The following NAALADL2 variants were observed in gnomAD, a reference collection of about 807,000 sequenced individuals.
NAALADL2 encodes inactive N-acetylated-alpha-linked acidic dipeptidase-like protein 2.
In NAALADL2, 76 loss-of-function variants were observed where a neutral mutation model predicts 87.2. That is an observed-to-expected ratio of 0.87 (90% CI 0.72 to 1.05). The LOEUF is 1.05. NAALADL2 is among the 50% of genes least tolerant of loss of function. NAALADL2 has a pLI of 0.00. For synonymous variants in NAALADL2, 354 were observed against 331.0 expected (o/e 1.07, Z -0.75); for missense variants, 1,089 against 945.8 (o/e 1.15, Z -1.99).
chr3:174,683,575 TA>T (rs2108832902), intron 2 of NAALADL2, among the ~76,000 whole-genome samples: 1 of 152,012 alleles, frequency 6.6e-6, no homozygotes, highest in Admixed American at 6.6e-5. Flanking sequence ...GATAGATAGA[TA>T]ATATAGATAA....
chr3:174,647,286 G>T (rs1383785289), intron 2 of NAALADL2, among the ~76,000 whole-genome samples: 1 of 152,040 alleles, frequency 6.6e-6, no homozygotes, highest in Non-Finnish European at 1.5e-5. Context: ...ACTGAGACTT[G>T]GTCTCAATGT....
At chr3:175,443,182 A>T (rs1266374347) in intron 5 of NAALADL2, among the ~76,000 whole-genome samples, 1 of 152,198 alleles carries the variant, frequency 6.6e-6, no homozygotes, top group Non-Finnish European at 1.5e-5. Flanking sequence ...ATTTCCATTA[A>T]GCTGAAGGTA....
intron 1 of NAALADL2, among the ~76,000 whole-genome samples, chr3:174,860,372 A>G (rs545043960): frequency 2.0e-5 from 3 of 152,052 alleles, no homozygotes; most frequent in Non-Finnish European, 2.9e-5. Flanking sequence ...AAATGCTACT[A>G]TAAAGCATTT....
chr3:174,990,457 TC>T (rs984750237), intron 1 of NAALADL2, among the ~76,000 whole-genome samples: 1 of 152,158 alleles, frequency 6.6e-6, no homozygotes, highest in Non-Finnish European at 1.5e-5. Context: ...AGATTTCAGT[TC>T]CAAAAATATT....
intron 2 of NAALADL2, among the ~76,000 whole-genome samples, chr3:175,177,795 GC>G (rs1735897526): frequency 6.6e-6 from 1 of 151,822 alleles, no homozygotes; most frequent in Non-Finnish European, 1.5e-5. Flanking sequence ...GGAAGCTGAA[GC>G]ACGAATAAGT....
In NAALADL2 at chr3:175,393,375, A is replaced by T. The variant is rs184616164; in HGVS notation, c.1091-53854A>T. On this transcript the variant is annotated intron_variant, in intron 5 of 13. Coordinates refer to ENST00000454872, the MANE Select transcript of NAALADL2 (RefSeq NM_207015.3). The stretch of plus-strand genomic sequence containing the variant: ...TGTATTTGGAAGCTTTATTAATATA[A>T]TAGTTAATATACAAATGCAAAGTAT... Among the ~76,000 whole-genome samples the T allele has an allele frequency of 4.6e-4, 69 of 150,454 alleles. No individual in the cohort carries two copies. In the East Asian group the frequency reaches 0.012, roughly 26 times the overall value.
intron 1 of NAALADL2, among the ~76,000 whole-genome samples, chr3:175,088,944 G>A (rs1299302572): frequency 6.6e-6 from 1 of 152,152 alleles, no homozygotes; most frequent in African/African-American, 2.4e-5. Context: ...CTGAAAACAG[G>A]TCGGCAGCAG....
chr3:174,484,924 T>C (rs1717760558), intron 1 of NAALADL2, among the ~76,000 whole-genome samples: 1 of 152,000 alleles, frequency 6.6e-6, no homozygotes, highest in Admixed American at 6.6e-5. Context: ...GCTTAGCCGG[T>C]AGTTGTGTCA....
At chr3:175,213,151 C>T (rs1222725465) in intron 2 of NAALADL2, among the ~76,000 whole-genome samples, 2 of 152,186 alleles carry the variant, frequency 1.3e-5, no homozygotes, top group East Asian at 3.9e-4. Flanking sequence ...TTTGTGCTTC[C>T]AAGAGGCTAA....
chr3:174,679,372 C>T (rs1727324863), intron 2 of NAALADL2, among the ~76,000 whole-genome samples: 1 of 152,048 alleles, frequency 6.6e-6, no homozygotes. Context: ...TTTAGAATTT[C>T]TGCTTGGTCT....
chr3:175,365,627 G>A (rs1265786348), intron 5 of NAALADL2, among the ~76,000 whole-genome samples: 1 of 147,064 alleles, frequency 6.8e-6, no homozygotes, highest in African/African-American at 2.5e-5. Flanking sequence ...TCTCAGTACA[G>A]AAATCAAAAT....
chr3:174,949,342 G>A (rs1314302009), intron 1 of NAALADL2, among the ~76,000 whole-genome samples: 3 of 152,110 alleles, frequency 2.0e-5, no homozygotes, highest in African/African-American at 7.2e-5. Context: ...AGCCTCGAAA[G>A]TCACATAATA....
rs187783014 is a variant in NAALADL2, at chr3:175,797,175, T to C, written c.2190-5830T>C. On this transcript the variant is annotated intron_variant, in intron 13 of 13. Coordinates refer to ENST00000454872, the MANE Select transcript of NAALADL2 (RefSeq NM_207015.3). ...ATCAATAATATATTACACTTTCCTT[T>C]AGTAGTCTCTTTATGTTGTGTGTGG... 2.4e-3 allele frequency among the ~76,000 whole-genome samples: 359 copies of C among 152,256 alleles called. 1 individual carries two copies. The highest frequency in any genetic ancestry group is 8.2e-3 in the African/African-American group (340 of 41,560).
At chr3:174,547,577 A>T (rs1416268366) in intron 1 of NAALADL2, among the ~76,000 whole-genome samples, 1 of 152,068 alleles carries the variant, frequency 6.6e-6, no homozygotes, top group African/African-American at 2.4e-5. Context: ...TGTGAATCCT[A>T]ATAATAAGGA....
chr3:175,334,558 C>T (rs955546123), intron 5 of NAALADL2, among the ~76,000 whole-genome samples: 2 of 152,146 alleles, frequency 1.3e-5, no homozygotes, highest in South Asian at 2.1e-4. Flanking sequence ...TAAGCATATA[C>T]ACATATTCTT....
At chr3:175,429,112 A>G (rs1344312075) in intron 5 of NAALADL2, among the ~76,000 whole-genome samples, 2 of 151,856 alleles carry the variant, frequency 1.3e-5, no homozygotes, top group East Asian at 3.8e-4. Context: ...GTTTTAGAAT[A>G]AAAGTATATA....
intron 3 of NAALADL2, among the ~76,000 whole-genome samples, chr3:174,847,092 A>G (rs1035724261): frequency 3.9e-5 from 6 of 152,212 alleles, no homozygotes; most frequent in African/African-American, 4.8e-5. Flanking sequence ...AGCTGGGTTA[A>G]TGGTATCACT....
intron 9 of NAALADL2, among the ~76,000 whole-genome samples, chr3:175,492,798 G>T (rs1728288147): frequency 6.6e-6 from 1 of 152,018 alleles, no homozygotes; most frequent in Non-Finnish European, 1.5e-5. Context: ...AACACCTTTA[G>T]AAATAATTAC....
At chr3:175,707,467 T>A (rs539316701) in intron 11 of NAALADL2, among the ~76,000 whole-genome samples, 71 of 152,294 alleles carry the variant, frequency 4.7e-4, no homozygotes, top group African/African-American at 1.7e-3. Context: ...ATGCTTGCTC[T>A]AGACAGTCAC....
Sources: gnomAD v4.1 joint callset for allele counts (sites outside exome capture counted in the v4.1 genomes callset) on GRCh38, gnomAD v4.1.1 for gene constraint, MANE v1.5 for transcripts, NCBI Gene and HGNC (gene_info 2026-07-23, HGNC 2026-07-21) for gene names.